TAB3: variants seen among roughly 807,000 people sequenced by gnomAD.
TAB3 encodes TGF-beta-activated kinase 1 and MAP3K7-binding protein 3.
In TAB3, 18 loss-of-function variants were observed where a neutral mutation model predicts 48.1. The ratio of observed to expected loss-of-function variants is 0.37; its 90% CI spans 0.26 to 0.55. The LOEUF is 0.55. Ranked by LOEUF, TAB3 falls within the 20% of genes least tolerant of loss-of-function variation. The pLI is 0.78. For missense variants in TAB3, 414 were observed against 549.8 expected (o/e 0.75, Z 2.47); for synonymous variants, 185 against 190.2 (o/e 0.97, Z 0.22).
Position 30,830,332 on chromosome X carries a change from T to C in TAB3, c.*1095A>G, listed in dbSNP as rs758334202. 10 of 112,617 alleles carry C rather than the reference T, an allele frequency of 8.9e-5. No individual in the cohort carries two copies. The highest frequency in any genetic ancestry group is 2.6e-4 in the African/African-American group (8 of 30,979). 9.3% of individuals were successfully genotyped at this position (112,617 alleles called of 1,213,427 possible). Reference sequence around the variant, plus strand: ...CAACTGTAATTCCCCTCACACTGGTTTGTTAACATATGCAAGTAAGTTTTT... The same window carrying C: ...CAACTGTAATTCCCCTCACACTGGTCTGTTAACATATGCAAGTAAGTTTTT... On this transcript the variant is annotated 3_prime_UTR_variant, in exon 11 of 11. Transcript: ENST00000288422.
intron 9 of TAB3, among the ~76,000 whole-genome samples, chrX:30,838,345 A>G (rs1019375224): frequency 5.4e-5 from 6 of 111,526 alleles, no homozygotes; most frequent in African/African-American, 1.6e-4. Flanking sequence ...TTTTTTGTAG[A>G]TGAGGTCTAT....
chrX:30,849,163 A>G (rs1382170328), intron 7 of TAB3, among the ~76,000 whole-genome samples: 1 of 112,327 alleles, frequency 8.9e-6, no homozygotes, highest in Non-Finnish European at 1.9e-5. Context: ...ACACAAATAC[A>G]TATAGACTCA....
chrX:30,838,539 TTTG>T (rs1446978314), intron 9 of TAB3, among the ~76,000 whole-genome samples: 3 of 112,064 alleles, frequency 2.7e-5, no homozygotes, highest in African/African-American at 9.7e-5. Flanking sequence ...TTATAATCAG[TTTG>T]TTAATTAAAA....
intron 5 of TAB3, 139 bp from the exon 6 acceptor site, chrX:30,855,701 C>A: frequency 3.5e-6 from 2 of 577,532 alleles, no homozygotes; most frequent in South Asian, 3.6e-5. Context: ...CAAAAAACTT[C>A]ATGGTCATCT....
chrX:30,835,229 A>C (rs1399012905), intron 9 of TAB3: 2 of 123,472 alleles, frequency 1.6e-5, no homozygotes, highest in African/African-American at 6.5e-5. Flanking sequence ...TTTCTAATGA[A>C]TTCTGAGCCC....
In TAB3 at chrX:30,855,536, G is replaced by A; in HGVS notation, c.129C>T (p.Cys43=). 8.4e-7 allele frequency: 1 copy of A among 1,196,635 alleles called. No homozygotes were observed. Among genetic ancestry groups the A allele is most frequent in the Non-Finnish European group, 1.1e-6 (1 of 887,644 alleles). The part of the protein sequence containing the change: ...LQNNNNLEAC[C]RALSQESSKY... ...TGCTACTCTCCTGGGAAAGGGCTCG[G>A]CAACAGGCTTCAAGATTGTTGTTAT... The change falls in exon 6 of 11, where the codon TGC becomes TGT. Residue 43 remains cysteine, a synonymous_variant. Transcript: ENST00000288422.
intron 9 of TAB3, among the ~76,000 whole-genome samples, chrX:30,839,939 TATATA>T (rs1315927968): frequency 3.2e-5 from 3 of 92,932 alleles, no homozygotes; most frequent in African/African-American, 8.1e-5. Flanking sequence ...TATATATATA[TATATA>T]ATATATATTA....
At chrX:30,877,495 A>G (rs1939874816) in intron 1 of TAB3, among the ~76,000 whole-genome samples, 1 of 112,446 alleles carries the variant, frequency 8.9e-6, no homozygotes. Context: ...AACAATATGT[A>G]TGTCACAAGG....
At chrX:30,858,659 A>C (rs1939151262) in intron 5 of TAB3, among the ~76,000 whole-genome samples, 1 of 111,803 alleles carries the variant, frequency 8.9e-6, no homozygotes, top group Admixed American at 9.5e-5. Flanking sequence ...ACTGCTGCCC[A>C]AAGTTAAGCA....
chrX:30,874,151 G>C (rs1454901777), intron 1 of TAB3, among the ~76,000 whole-genome samples: 1 of 111,589 alleles, frequency 9.0e-6, no homozygotes, highest in Non-Finnish European at 1.9e-5. Context: ...TAGCCTGGGG[G>C]ACAGAGTGAG....
chrX:30,878,241 A>G (rs188694855), intron 1 of TAB3, among the ~76,000 whole-genome samples: 208 of 111,972 alleles, frequency 1.9e-3, no homozygotes, highest in Non-Finnish European at 2.3e-3. Flanking sequence ...CTGTAATCCC[A>G]GCACTTTGGG....
intron 7 of TAB3, among the ~76,000 whole-genome samples, chrX:30,850,326 A>AT (rs200740617): frequency 0.026 from 2,907 of 111,960 alleles, 91 homozygotes; most frequent in African/African-American, 0.089. Context: ...TCATTATACT[A>AT]TTTTATGTAT....
chrX:30,833,830 CAA>C (rs11316848), intron 10 of TAB3, among the ~76,000 whole-genome samples: 2,190 of 51,488 alleles, frequency 0.043, 50 homozygotes, highest in African/African-American at 0.14. Flanking sequence ...GACTCCGTCT[CAA>C]AAAAAAAAAA....
intron 4 of TAB3, among the ~76,000 whole-genome samples, chrX:30,862,317 C>T (rs991228885): frequency 6.2e-5 from 7 of 112,153 alleles, no homozygotes; most frequent in African/African-American, 2.3e-4. Flanking sequence ...TTAATCAAAC[C>T]TTCAATAAAG....
intron 9 of TAB3, among the ~76,000 whole-genome samples, chrX:30,841,054 A>G (rs1313218893): frequency 8.9e-6 from 1 of 112,619 alleles, no homozygotes; most frequent in Non-Finnish European, 1.9e-5. Context: ...AAGAAACTGC[A>G]TATGATGCTG....
intron 1 of TAB3, among the ~76,000 whole-genome samples, chrX:30,877,968 T>C (rs999586368): frequency 8.9e-6 from 1 of 112,372 alleles, no homozygotes; most frequent in African/African-American, 3.2e-5. Context: ...ATTGCTCTAT[T>C]AAAGATGGTA....
intron 7 of TAB3, 52 bp from the exon 8 acceptor site, chrX:30,846,696 C>T: frequency 1.2e-6 from 1 of 832,795 alleles, no homozygotes; most frequent in Non-Finnish European, 1.7e-6. Flanking sequence ...TTATCAAGCC[C>T]AACATTTAAG....
chrX:30,852,944 G>T lies in TAB3; in HGVS notation c.1550-6C>A. ...TCGTTGATGTAACAGCAAGGCTACA[G>T]CATTATAGATAATGTCATTGCAGAG... On this transcript the variant is annotated splice_polypyrimidine_tract_variant and splice_region_variant and intron_variant, in intron 6 of 10. Transcript: ENST00000288422. 8.3e-7 allele frequency: 1 copy of T among 1,209,171 alleles called. No individual in the cohort carries two copies. Among genetic ancestry groups the T allele is most frequent in the South Asian group, 1.8e-5 (1 of 56,784 alleles).
chrX:30,884,761 C>T (rs973809744), intron 1 of TAB3, among the ~76,000 whole-genome samples: 6 of 112,084 alleles, frequency 5.4e-5, no homozygotes, highest in Non-Finnish European at 1.1e-4. Flanking sequence ...ACAGTGGTAA[C>T]AGTATGTAAC....
Sources: allele counts gnomAD v4.1 joint callset (sites outside exome capture counted in the v4.1 genomes callset), GRCh38; gene constraint gnomAD v4.1.1; transcripts MANE v1.5; gene names NCBI Gene and HGNC (gene_info 2026-07-23, HGNC 2026-07-21).